LIMS1: variants seen among roughly 807,000 people sequenced by gnomAD.
The protein encoded by LIMS1 is LIM and senescent cell antigen-like-containing domain protein 1.
LIMS1 carries 18 observed loss-of-function variants against 44.1 expected under a neutral mutation model. The ratio of observed to expected loss-of-function variants is 0.41; its 90% CI spans 0.28 to 0.61. The LOEUF (loss-of-function observed/expected upper bound fraction) is 0.61, where lower values mean the gene tolerates loss of function less well. Among genes scored for constraint, LIMS1 ranks in the 20% least tolerant of loss-of-function variants. LIMS1 has a pLI of 0.32. For synonymous variants in LIMS1, 93 were observed against 149.1 expected, an observed-to-expected ratio of 0.62 and a Z score of 2.74; for missense variants, 201 against 422.0, an observed-to-expected ratio of 0.48 and a Z score of 4.59.
chr2:108,598,664 T>C (rs1296458697), intron 1 of LIMS1, among the ~76,000 whole-genome samples: 2 of 152,240 alleles, frequency 1.3e-5, no homozygotes, highest in Admixed American at 1.3e-4. Flanking sequence ...ACACTGTTCA[T>C]TTCTTCTGTT....
chr2:108,588,970 C>G (rs1311797867), intron 1 of LIMS1, among the ~76,000 whole-genome samples: 2 of 152,116 alleles, frequency 1.3e-5, no homozygotes, highest in African/African-American at 2.4e-5. Context: ...TGGTTTATAT[C>G]CTGCAGAGCC....
intron 1 of LIMS1, among the ~76,000 whole-genome samples, chr2:108,543,000 A>G (rs1398985020): frequency 6.6e-6 from 1 of 152,274 alleles, no homozygotes; most frequent in Non-Finnish European, 1.5e-5. Context: ...ACATCTTTCA[A>G]TACAATTTGT....
chr2:108,681,519 C>T (rs1692992320), intron 9 of LIMS1: 8 of 976,590 alleles, frequency 8.2e-6, no homozygotes, highest in South Asian at 4.7e-5. Flanking sequence ...TTAACTGTAG[C>T]TTTTAAAATC....
intron 2 of LIMS1, among the ~76,000 whole-genome samples, chr2:108,664,682 C>T (rs1691623511): frequency 6.6e-6 from 1 of 152,102 alleles, no homozygotes; most frequent in African/African-American, 2.4e-5. Flanking sequence ...GCCTTTCTCT[C>T]AGGCTCAAAA....
At chr2:108,536,437 T>A (rs1425394811) in intron 1 of LIMS1, among the ~76,000 whole-genome samples, 1 of 152,270 alleles carries the variant, frequency 6.6e-6, no homozygotes, top group South Asian at 2.1e-4. Context: ...TTGTTGTGCA[T>A]GTCATAGTTT....
chr2:108,599,628 T>A (rs1385781222), intron 1 of LIMS1, among the ~76,000 whole-genome samples: 2 of 152,234 alleles, frequency 1.3e-5, no homozygotes, highest in Non-Finnish European at 2.9e-5. Context: ...ATTGTACTCA[T>A]TTACATTTCC....
At chr2:108,628,475 T>C (rs1398894979) in intron 1 of LIMS1, among the ~76,000 whole-genome samples, 1 of 152,196 alleles carries the variant, frequency 6.6e-6, no homozygotes, top group Non-Finnish European at 1.5e-5. Context: ...ATGAATGAAA[T>C]GAGCTATGAA....
Position 108,676,431 on chromosome 2 carries a change from C to T in LIMS1, c.682-175C>T, listed in dbSNP as rs539043446. ...TATGTCTTAAAGTAACCTTCAAAGA[C>T]AGACACCTGAATTACAACTGCAGAA... On this transcript the variant is annotated intron_variant, in intron 6 of 9. Coordinates refer to ENST00000544547, the Ensembl canonical transcript of LIMS1. Among the ~76,000 whole-genome samples the T allele has an allele frequency of 3.0e-4, 45 of 152,324 alleles. 1 individual carries two copies. Among genetic ancestry groups the T allele is most frequent in the African/African-American group, 1.1e-3 (44 of 41,560 alleles).
At chr2:108,654,513 C>T (rs1242763279) in intron 1 of LIMS1, among the ~76,000 whole-genome samples, 2 of 151,992 alleles carry the variant, frequency 1.3e-5, no homozygotes, top group Non-Finnish European at 1.5e-5. Flanking sequence ...GGAAGGGACC[C>T]ATCAGGCATA....
At chr2:108,622,285 G>A (rs1031063658) in intron 1 of LIMS1, among the ~76,000 whole-genome samples, 4 of 152,028 alleles carry the variant, frequency 2.6e-5, no homozygotes, top group South Asian at 2.1e-4. Context: ...ATTAGATGGC[G>A]GGAAGGCTAT....
rs1377037985 is a variant in LIMS1, at chr2:108,607,080, A to C, written c.33-52525A>C. On this transcript the variant is annotated intron_variant, in intron 1 of 9. Coordinates refer to ENST00000544547, the Ensembl canonical transcript of LIMS1. Reference sequence around the variant, plus strand: ...GAGCCTTTGGAGAGATGATTAGGTCACGAGAACAGAGCTTTCATGAATGAG... The same window carrying C: ...GAGCCTTTGGAGAGATGATTAGGTCCCGAGAACAGAGCTTTCATGAATGAG... 3 of 692,808 alleles carry C rather than the reference A, an allele frequency of 4.3e-6. No homozygotes were observed. The African/African-American group carries it at 5.4e-5, about 12-fold the overall frequency. The allele number at this position is 692,808 out of a possible 1,614,324, so 42.9% of individuals were successfully genotyped here.
chr2:108,558,755 C>T (rs569327185), intron 1 of LIMS1, among the ~76,000 whole-genome samples: 2 of 151,486 alleles, frequency 1.3e-5, no homozygotes, highest in South Asian at 4.2e-4. Flanking sequence ...ACTGCAACCT[C>T]CGCCTCCTGG....
At chr2:108,561,684 T>C (rs1227994296) in intron 1 of LIMS1, among the ~76,000 whole-genome samples, 1 of 152,174 alleles carries the variant, frequency 6.6e-6, no homozygotes, top group African/African-American at 2.4e-5. Flanking sequence ...TCTCACAATA[T>C]TTCAAACTTC....
chr2:108,599,388 T>C (rs960667071), intron 1 of LIMS1, among the ~76,000 whole-genome samples: 21 of 152,374 alleles, frequency 1.4e-4, no homozygotes, highest in Middle Eastern at 3.4e-3. Context: ...TTTTTATGGC[T>C]GAATAATACT....
At chr2:108,582,212 G>A (rs1304844493) in intron 1 of LIMS1, among the ~76,000 whole-genome samples, 9 of 152,068 alleles carry the variant, frequency 5.9e-5, no homozygotes, top group South Asian at 2.1e-4. Flanking sequence ...TGGGTCTGTC[G>A]TCCTCAGCAG....
intron 1 of LIMS1, among the ~76,000 whole-genome samples, chr2:108,576,198 T>C (rs2104643353): frequency 6.6e-6 from 1 of 152,360 alleles, no homozygotes; most frequent in East Asian, 1.9e-4. Context: ...TTTTATTCAT[T>C]CCTGCAAAAG....
intron 1 of LIMS1, among the ~76,000 whole-genome samples, chr2:108,614,195 T>A (rs1687810058): frequency 6.6e-6 from 1 of 152,188 alleles, no homozygotes; most frequent in South Asian, 2.1e-4. Flanking sequence ...GTGTTCCCGG[T>A]TTGGAAGGCC....
At chr2:108,647,875 C>T (rs953966529) in intron 1 of LIMS1, among the ~76,000 whole-genome samples, 2 of 152,164 alleles carry the variant, frequency 1.3e-5, no homozygotes, top group Non-Finnish European at 2.9e-5. Context: ...TGGGCAAAAA[C>T]TGGAAGCAAT....
intron 1 of LIMS1, among the ~76,000 whole-genome samples, chr2:108,612,043 CACACACACACATATAT>C (rs1405911305): frequency 7.4e-6 from 1 of 134,584 alleles, no homozygotes; most frequent in Non-Finnish European, 1.6e-5. Flanking sequence ...CACACACACA[CACACACACACATATAT>C]ATATATATAT....
Sources: allele counts gnomAD v4.1 joint callset (sites outside exome capture counted in the v4.1 genomes callset), GRCh38; gene constraint gnomAD v4.1.1; transcripts MANE v1.5; gene names NCBI Gene and HGNC (gene_info 2026-07-23, HGNC 2026-07-21).